The following ZDHHC2 variants were observed in gnomAD, a reference collection of about 807,000 sequenced individuals.
ZDHHC2 encodes the protein palmitoyltransferase ZDHHC2.
A neutral mutation model predicts 55.6 loss-of-function variants in ZDHHC2; 51 were observed. The observed-to-expected ratio is 0.92, with a 90% confidence interval of 0.73 to 1.16. The LOEUF (loss-of-function observed/expected upper bound fraction) is 1.16, where lower values mean the gene tolerates loss of function less well. Ranked by LOEUF, ZDHHC2 falls within the 50% of genes most tolerant of loss-of-function variation. The pLI, the probability that ZDHHC2 is intolerant of heterozygous loss-of-function variation, is 0.00. For missense variants in ZDHHC2, 491 were observed against 442.4 expected (o/e 1.11, Z -0.99); for synonymous variants, 199 against 152.9 (o/e 1.30, Z -2.22).
chr8:17,195,631 G>GT lies in ZDHHC2; in HGVS notation c.373+9dup, dbSNP rs1563158325. On this transcript the variant is annotated splice_region_variant and intron_variant, in intron 4 of 12. Transcript: ENST00000262096. Reference sequence around the variant, plus strand: ...ACCAGGACCATGTCTGGAGGTAAATGTTGATAATGAGTGCTTTGCAATGGT... The same window carrying GT: ...ACCAGGACCATGTCTGGAGGTAAATGTTTGATAATGAGTGCTTTGCAATGGT... The GT allele has an allele frequency of 6.2e-7, 1 of 1,613,688 alleles. No individual in the cohort carries two copies. Among genetic ancestry groups the GT allele is most frequent in the East Asian group, 2.2e-5 (1 of 44,860 alleles).
Position 17,222,659 on chromosome 8 carries a change from A to T in ZDHHC2, c.*2438A>T, listed in dbSNP as rs536933983. On this transcript the variant is annotated 3_prime_UTR_variant, in exon 13 of 13. Coordinates refer to ENST00000262096, the MANE Select transcript of ZDHHC2 (RefSeq NM_016353.5). Reference sequence around the variant, plus strand: ...ATATATTAAAGAACAGTTGCATCTGAATATAATCATGATGCATTCAATGAA... The same window carrying T: ...ATATATTAAAGAACAGTTGCATCTGTATATAATCATGATGCATTCAATGAA... 1 of 152,066 alleles carries T rather than the reference A, an allele frequency of 6.6e-6. No individual in the cohort carries two copies. The highest frequency in any genetic ancestry group is 1.9e-4 in the East Asian group (1 of 5,186). The allele number at this position is 152,066 out of a possible 1,614,324, so 9.4% of individuals were successfully genotyped here. A position where few individuals can be genotyped will look rare whatever the true frequency, so the allele number is the denominator to read the frequency against.
intron 8 of ZDHHC2, among the ~76,000 whole-genome samples, chr8:17,208,783 A>G (rs1325067224): frequency 6.6e-6 from 1 of 152,214 alleles, no homozygotes; most frequent in Non-Finnish European, 1.5e-5. Flanking sequence ...TGTGTTAGGC[A>G]GTTAAATTGT....
At chr8:17,160,015 T>C (rs1264626082) in intron 1 of ZDHHC2, among the ~76,000 whole-genome samples, 1 of 152,188 alleles carries the variant, frequency 6.6e-6, no homozygotes, top group Non-Finnish European at 1.5e-5. Flanking sequence ...CGGGGAACTT[T>C]AGGATGCACT....
intron 11 of ZDHHC2, among the ~76,000 whole-genome samples, chr8:17,216,869 T>C (rs1055375626): frequency 2.0e-5 from 3 of 152,066 alleles, no homozygotes; most frequent in South Asian, 2.1e-4. Context: ...TTTGGAAACG[T>C]TGATGTAAGC....
At chr8:17,171,395 T>C (rs1187312111) in intron 1 of ZDHHC2, among the ~76,000 whole-genome samples, 1 of 152,178 alleles carries the variant, frequency 6.6e-6, no homozygotes, top group East Asian at 1.9e-4. Context: ...AGATCAGATT[T>C]CCTTATTTAT....
chr8:17,171,735 G>A (rs192432679), intron 1 of ZDHHC2, among the ~76,000 whole-genome samples: 41 of 151,688 alleles, frequency 2.7e-4, no homozygotes, highest in African/African-American at 8.9e-4. Flanking sequence ...GATGAACCTG[G>A]AAGACATTGG....
At chr8:17,190,563 T>C (rs1805964968) in intron 3 of ZDHHC2, among the ~76,000 whole-genome samples, 2 of 152,174 alleles carry the variant, frequency 1.3e-5, no homozygotes, top group South Asian at 4.1e-4. Context: ...AAAGTGATAA[T>C]AGTTTTTCAT....
intron 1 of ZDHHC2, among the ~76,000 whole-genome samples, chr8:17,180,548 A>G (rs1387417730): frequency 1.3e-5 from 2 of 152,174 alleles, no homozygotes. Context: ...CATTACAGTT[A>G]ATATTATCAA....
At chr8:17,188,668 G>T (rs988950702) in intron 3 of ZDHHC2, among the ~76,000 whole-genome samples, 1 of 151,948 alleles carries the variant, frequency 6.6e-6, no homozygotes, top group Admixed American at 6.6e-5. Flanking sequence ...ATTGAGTTCT[G>T]TGACTTTATG....
chr8:17,174,710 T>C (rs1410887257), intron 1 of ZDHHC2, among the ~76,000 whole-genome samples: 6 of 141,206 alleles, frequency 4.2e-5, no homozygotes, highest in Non-Finnish European at 7.7e-5. Flanking sequence ...TTATTCTTTT[T>C]TTTTTTTTTT....
In ZDHHC2 at chr8:17,173,813, A is replaced by C. The variant is rs1804987036; in HGVS notation, c.131-10976A>C. Among the ~76,000 whole-genome samples, 3 of 152,180 alleles carry C rather than the reference A, an allele frequency of 2.0e-5. 1 individual carries two copies. In the South Asian group the frequency reaches 6.2e-4, roughly 32 times the overall value. On this transcript the variant is annotated intron_variant, in intron 1 of 12. Transcript: ENST00000262096. ...CTGCAAGCTATATTCTGTGCCTCCA[A>C]AATTCTTAGGTGAAAGTCCTGAACT... is the stretch of plus-strand genomic sequence containing the variant.
chr8:17,166,209 G>C (rs1342064720), intron 1 of ZDHHC2, among the ~76,000 whole-genome samples: 1 of 152,202 alleles, frequency 6.6e-6, no homozygotes, highest in Non-Finnish European at 1.5e-5. Flanking sequence ...GGTGAGCGAT[G>C]ATGGTGTGTG....
chr8:17,217,392 T>C (rs1807700539), intron 12 of ZDHHC2, 146 bp downstream of exon 12: 4 of 607,300 alleles, frequency 6.6e-6, no homozygotes, highest in Middle Eastern at 4.9e-4. Flanking sequence ...GCATTAGCCA[T>C]GCTGGGGCTT....
intron 1 of ZDHHC2, among the ~76,000 whole-genome samples, chr8:17,176,402 T>A (rs1355495729): frequency 6.6e-6 from 1 of 152,306 alleles, no homozygotes; most frequent in East Asian, 1.9e-4. Flanking sequence ...TCCTGCTTAT[T>A]TACTGATCAG....
At chr8:17,186,895 C>A (rs1331960585) in intron 3 of ZDHHC2, among the ~76,000 whole-genome samples, 3 of 152,212 alleles carry the variant, frequency 2.0e-5, no homozygotes, top group African/African-American at 7.2e-5. Flanking sequence ...TCTTGTTTCT[C>A]TGCCACGTGT....
intron 1 of ZDHHC2, among the ~76,000 whole-genome samples, chr8:17,169,825 A>G (rs991190305): frequency 6.6e-6 from 1 of 152,218 alleles, no homozygotes; most frequent in African/African-American, 2.4e-5. Context: ...CATTCCAAAT[A>G]TTGATGACTG....
chr8:17,184,333 AG>A (rs1275678031), intron 1 of ZDHHC2, among the ~76,000 whole-genome samples: 1 of 152,174 alleles, frequency 6.6e-6, no homozygotes, highest in Non-Finnish European at 1.5e-5. Flanking sequence ...TTTAGAAATT[AG>A]GGGGAAAAAA....
rs1554466018 is a variant in ZDHHC2 at position 17,199,509 on chromosome 8, T to TG, written c.476+1096_476+1097insG. The stretch of plus-strand genomic sequence containing the variant: ...CTTCTTCTTCTTCTTCTTCTTCTTC[T>TG]TCTTCGTCTTCGTCTTCGTCTTCTG... On this transcript the variant is annotated intron_variant, in intron 6 of 12. Transcript: ENST00000262096. 5.9e-4 allele frequency among the ~76,000 whole-genome samples: 72 copies of TG among 121,192 alleles called. 1 individual carries two copies. The highest frequency in any genetic ancestry group is 2.0e-3 in the African/African-American group (56 of 27,326). 79.5% of individuals were successfully genotyped at this position (121,192 alleles called of 152,430 possible).
rs1322402669 is a variant in ZDHHC2 at position 17,223,027 on chromosome 8, AG to A, written c.*2807del. 6.6e-6 allele frequency: 1 copy of A among 151,754 alleles called. No homozygotes were observed. The highest frequency in any genetic ancestry group is 1.5e-5 in the Non-Finnish European group (1 of 67,830). The allele number at this position is 151,754 out of a possible 1,614,324, so 9.4% of individuals were successfully genotyped here. Reference sequence around the variant, plus strand: ...ACAAACACTTAACTAGGGAAATCAAAGATATAAATCATGTTTATAAAAAATT... The same window carrying A: ...ACAAACACTTAACTAGGGAAATCAAAATATAAATCATGTTTATAAAAAATT... On this transcript the variant is annotated 3_prime_UTR_variant, in exon 13 of 13. Transcript: ENST00000262096.
Sources: allele counts gnomAD v4.1 joint callset (sites outside exome capture counted in the v4.1 genomes callset), GRCh38; gene constraint gnomAD v4.1.1; transcripts MANE v1.5; gene names NCBI Gene and HGNC (gene_info 2026-07-23, HGNC 2026-07-21).